ASIC2: variants seen among roughly 807,000 people sequenced by gnomAD.
ASIC2 encodes the protein acid-sensing ion channel 2.
A neutral mutation model predicts 57.3 loss-of-function variants in ASIC2; 25 were observed. The ratio of observed to expected loss-of-function variants is 0.44; its 90% CI spans 0.32 to 0.61. The LOEUF (loss-of-function observed/expected upper bound fraction) is 0.61. ASIC2 is among the 20% of genes least tolerant of loss of function. The pLI, the probability that ASIC2 is intolerant of heterozygous loss-of-function variation, is 0.06. For missense variants in ASIC2, 641 were observed against 738.1 expected (o/e 0.87, Z 1.52); for synonymous variants, 319 against 307.5 (o/e 1.04, Z -0.39).
chr17:33,571,161 T>C (rs1916424067), intron 1 of ASIC2, among the ~76,000 whole-genome samples: 1 of 152,116 alleles, frequency 6.6e-6, no homozygotes, highest in Non-Finnish European at 1.5e-5. Context: ...AGATGACATA[T>C]AACACCCTGG....
intron 5 of ASIC2, 65 bp downstream of exon 5, chr17:33,025,860 TG>T: frequency 2.1e-6 from 3 of 1,451,666 alleles, no homozygotes; most frequent in Non-Finnish European, 2.8e-6. Context: ...CAAACCCAGA[TG>T]ATTTCCATGA....
intron 1 of ASIC2, among the ~76,000 whole-genome samples, chr17:33,473,738 C>T (rs1913128003): frequency 1.3e-5 from 2 of 152,126 alleles, no homozygotes; most frequent in African/African-American, 4.8e-5. Flanking sequence ...CTGCCAAGCT[C>T]CAGGTGTTCC....
chr17:33,141,462 T>C (rs1434960444), intron 1 of ASIC2, among the ~76,000 whole-genome samples: 1 of 152,200 alleles, frequency 6.6e-6, no homozygotes, highest in Non-Finnish European at 1.5e-5. Context: ...CGGCATAAAA[T>C]GTCCCACTAA....
chr17:33,695,923 C>T (rs1417908443), intron 1 of ASIC2, among the ~76,000 whole-genome samples: 1 of 152,166 alleles, frequency 6.6e-6, no homozygotes, highest in East Asian at 1.9e-4. Context: ...TAAATGTTAT[C>T]ATAATGTACG....
chr17:33,930,016 G>A lies in ASIC2; in HGVS notation c.555+225962C>T, dbSNP rs570500130. Among the ~76,000 whole-genome samples the A allele has an allele frequency of 6.0e-4, 91 of 152,158 alleles. 1 individual carries two copies. The highest frequency in any genetic ancestry group is 1.1e-3 in the Non-Finnish European group (78 of 68,024). On this transcript the variant is annotated intron_variant, in intron 1 of 9. Coordinates refer to the ASIC2 transcript ENST00000359872. Reference sequence around the variant, plus strand: ...AACCAGCACAGCAGGCCTCACTGTCGATGGGTGCTGTACAGGACAAACTTT... The same window carrying A: ...AACCAGCACAGCAGGCCTCACTGTCAATGGGTGCTGTACAGGACAAACTTT...
At chr17:33,739,927 AG>A (rs1194152311) in intron 1 of ASIC2, among the ~76,000 whole-genome samples, 1 of 150,750 alleles carries the variant, frequency 6.6e-6, no homozygotes, top group Non-Finnish European at 1.5e-5. Flanking sequence ...GAAAAAAGAA[AG>A]AAAAAAGAGA....
chr17:33,889,564 AACTT>A (rs1263950373), intron 1 of ASIC2, among the ~76,000 whole-genome samples: 3 of 152,208 alleles, frequency 2.0e-5, no homozygotes. Flanking sequence ...TATAAAAAAA[AACTT>A]ACTTCCACAA....
chr17:34,120,240 T>C (rs1170162943), intron 1 of ASIC2: 1 of 152,240 alleles, frequency 6.6e-6, no homozygotes. Context: ...AGTACCCAAC[T>C]ACCTGCTAGC....
intron 1 of ASIC2, among the ~76,000 whole-genome samples, chr17:33,418,087 C>A (rs1349262378): frequency 6.8e-6 from 1 of 146,494 alleles, no homozygotes; most frequent in African/African-American, 2.6e-5. Context: ...TGCAGCCATG[C>A]TCCAGTGTGA....
At chr17:33,817,525 A>T (rs898757855) in intron 1 of ASIC2, among the ~76,000 whole-genome samples, 1 of 152,128 alleles carries the variant, frequency 6.6e-6, no homozygotes, top group African/African-American at 2.4e-5. Context: ...AGCAAGTCTC[A>T]TGAAAGAAAA....
intron 1 of ASIC2, among the ~76,000 whole-genome samples, chr17:34,092,345 T>C (rs1163268509): frequency 6.6e-6 from 1 of 152,200 alleles, no homozygotes; most frequent in Non-Finnish European, 1.5e-5. Flanking sequence ...AGTGATGGGC[T>C]CCAGCTCCTT....
chr17:34,152,662 G>T (rs1229031795), intron 1 of ASIC2, among the ~76,000 whole-genome samples: 2 of 152,146 alleles, frequency 1.3e-5, no homozygotes, highest in African/African-American at 4.8e-5. Context: ...CATCCCTGTG[G>T]GTTAGTAAGT....
intron 1 of ASIC2, among the ~76,000 whole-genome samples, chr17:33,848,935 G>T (rs1051426843): frequency 3.3e-5 from 5 of 152,186 alleles, no homozygotes; most frequent in African/African-American, 1.2e-4. Flanking sequence ...CTAAGAAAAA[G>T]GAAGCTCTGA....
At chr17:33,759,986 C>T (rs781189324) in intron 1 of ASIC2, among the ~76,000 whole-genome samples, 21 of 152,170 alleles carry the variant, frequency 1.4e-4, no homozygotes, top group South Asian at 6.2e-4. Context: ...GCCCCTTGAC[C>T]TTGGACTTCC....
chr17:33,502,310 T>C (rs923789693), intron 1 of ASIC2, among the ~76,000 whole-genome samples: 3 of 152,126 alleles, frequency 2.0e-5, no homozygotes, highest in Non-Finnish European at 4.4e-5. Context: ...ACTAGGGAGA[T>C]GTTCCTGCTG....
At chr17:33,023,333 C>G (rs2003457) in intron 6 of ASIC2, among the ~76,000 whole-genome samples, 22,242 of 151,556 alleles carry the variant, frequency 0.15, 1,704 homozygotes, top group South Asian at 0.18. Context: ...ACTAAAAATA[C>G]AAAAAAATTA....
chr17:33,652,560 A>G (rs1906953108), intron 1 of ASIC2, among the ~76,000 whole-genome samples: 1 of 152,202 alleles, frequency 6.6e-6, no homozygotes, highest in Admixed American at 6.5e-5. Context: ...TTAGTGGCAG[A>G]GCTGAGATTG....
intron 1 of ASIC2, among the ~76,000 whole-genome samples, chr17:33,965,476 A>G (rs1212804797): frequency 6.6e-6 from 1 of 152,190 alleles, no homozygotes; most frequent in Non-Finnish European, 1.5e-5. Context: ...GATGGGTATA[A>G]TCCAAGAGTC....
intron 1 of ASIC2, among the ~76,000 whole-genome samples, chr17:33,336,884 C>T (rs1033850578): frequency 1.3e-5 from 2 of 151,642 alleles, no homozygotes; most frequent in Non-Finnish European, 2.9e-5. Context: ...TCAATGCGCT[C>T]GTGGCAGAGG....
Sources: gnomAD v4.1 joint callset for allele counts (sites outside exome capture counted in the v4.1 genomes callset) on GRCh38, gnomAD v4.1.1 for gene constraint, MANE v1.5 for transcripts, NCBI Gene and HGNC (gene_info 2026-07-23, HGNC 2026-07-21) for gene names.